The following OR2AT4 variants were observed in gnomAD, a reference collection of about 807,000 sequenced individuals.
The protein encoded by OR2AT4 is olfactory receptor family 2 subfamily AT member 4, also known as olfactory receptor 2AT4.
In OR2AT4, 6 loss-of-function variants were observed where a neutral mutation model predicts 10.3. The ratio of observed to expected loss-of-function variants is 0.58; its 90% CI spans 0.32 to 1.15. OR2AT4 has a LOEUF of 1.15. Among genes scored for constraint, OR2AT4 ranks in the 50% most tolerant of loss-of-function variants. The probability of loss-of-function intolerance (pLI) is 0.05; values close to 1 mark genes in which losing one functional copy is unlikely to be tolerated. For missense variants in OR2AT4, 354 were observed against 393.8 expected (o/e 0.90, Z 0.85); for synonymous variants, 145 against 159.1 (o/e 0.91, Z 0.67).
exon 2 of OR2AT4, chr11:75,088,152 A>T (rs187584055): frequency 6.6e-6 from 1 of 152,120 alleles, no homozygotes; most frequent in Non-Finnish European, 1.5e-5. Context: ...ATTGATGGTG[A>T]CTCCTCGGGA....
chr11:75,088,425 T>G (rs4146884), exon 2 of OR2AT4: 39,767 of 179,182 alleles, frequency 0.22, 5,225 homozygotes, highest in East Asian at 0.39. Context: ...CATTTTTTTT[T>G]ATTTGTCTAC....
chr11:75,091,420 C>A (rs1036032210), intron 1 of OR2AT4, among the ~76,000 whole-genome samples: 1 of 151,938 alleles, frequency 6.6e-6, no homozygotes, highest in Non-Finnish European at 1.5e-5. Flanking sequence ...GAAATGTTGA[C>A]AAAATGGATT....
intron 1 of OR2AT4, among the ~76,000 whole-genome samples, chr11:75,095,475 T>G (rs993067131): frequency 5.3e-5 from 8 of 152,118 alleles, no homozygotes; most frequent in Non-Finnish European, 8.8e-5. Flanking sequence ...CACCAGGTTG[T>G]CTCTGTCTAT....
chr11:75,088,952 G>A, exon 2 of OR2AT4: 1 of 1,614,192 alleles, frequency 6.2e-7, no homozygotes, highest in South Asian at 1.1e-5. Context: ...AGTAGTAGGT[G>A]CCCACGACCA....
exon 2 of OR2AT4, chr11:75,088,687 T>A (rs949343428): frequency 2.1e-6 from 3 of 1,425,986 alleles, no homozygotes; most frequent in Non-Finnish European, 2.8e-6. Flanking sequence ...ATGTATTGAG[T>A]CCTTTCTCTG....
chr11:75,091,553 T>C (rs1055492418), intron 1 of OR2AT4, among the ~76,000 whole-genome samples: 3 of 152,140 alleles, frequency 2.0e-5, no homozygotes, highest in Admixed American at 6.6e-5. Flanking sequence ...AATAGCAAAC[T>C]GGACACAATA....
Position 75,089,763 on chromosome 11 carries a change from C to G in OR2AT4, c.-50G>C, listed in dbSNP as rs377668148. ...GAGATGGGCAGCTGGAACATCTAGA[C>G]ATTGGAAACATCTGGAAACCATAGA... On this transcript the variant is annotated 5_prime_UTR_variant, in exon 2 of 2. The change abolishes an upstream ATG in the 5' untranslated region. Transcript: ENST00000641504. 7.8e-6 allele frequency: 12 copies of G among 1,547,048 alleles called. No homozygotes were observed. The highest frequency in any genetic ancestry group is 1.0e-5 in the Non-Finnish European group (12 of 1,145,594).
At chr11:75,084,906 T>C (rs2140277954) in exon 2 of OR2AT4, 2 of 152,290 alleles carry the variant, frequency 1.3e-5, no homozygotes, top group South Asian at 4.1e-4. Flanking sequence ...TTGGGAAATG[T>C]ACAGACTTCA....
At chr11:75,092,290 G>A (rs937978441) in intron 1 of OR2AT4, among the ~76,000 whole-genome samples, 2 of 152,250 alleles carry the variant, frequency 1.3e-5, no homozygotes, top group East Asian at 1.9e-4. Flanking sequence ...CAACCACTTC[G>A]GATAACAGTG....
At chr11:75,088,963 G>A (rs774570864) in exon 2 of OR2AT4, 30 of 1,614,102 alleles carry the variant, frequency 1.9e-5, no homozygotes, top group Middle Eastern at 1.6e-4. Flanking sequence ...CCCACGACCA[G>A]AAGGTGGGAG....
exon 2 of OR2AT4, chr11:75,089,048 G>A (rs868638069): frequency 6.2e-7 from 1 of 1,614,114 alleles, no homozygotes; most frequent in Non-Finnish European, 8.5e-7. Context: ...TGTGGACATA[G>A]GAGAGAAGCA....
At chr11:75,085,478 A>G (rs181636857) in exon 2 of OR2AT4, 2 of 152,116 alleles carry the variant, frequency 1.3e-5, no homozygotes, top group African/African-American at 4.8e-5. Flanking sequence ...GAGAATGTAG[A>G]AGAGACGGGA....
At chr11:75,089,537 G>T (rs1949311725) in exon 2 of OR2AT4, 1 of 1,613,970 alleles carries the variant, frequency 6.2e-7, no homozygotes, top group Non-Finnish European at 8.5e-7. Flanking sequence ...GCTTGTGGAG[G>T]CTGGGCTCTG....
At chr11:75,084,766 A>G (rs1332369037) in exon 2 of OR2AT4, 1 of 152,228 alleles carries the variant, frequency 6.6e-6, no homozygotes, top group Non-Finnish European at 1.5e-5. Flanking sequence ...CTGAAATTAA[A>G]TAAAAACACT....
chr11:75,087,067 G>A (rs2140278465), exon 2 of OR2AT4: 1 of 152,314 alleles, frequency 6.6e-6, no homozygotes, highest in East Asian at 1.9e-4. Context: ...CCAATAAAAT[G>A]TCAGGCAACT....
exon 2 of OR2AT4, chr11:75,085,022 A>T (rs934407519): frequency 3.3e-5 from 5 of 152,114 alleles, no homozygotes; most frequent in African/African-American, 7.2e-5. Context: ...AAGGAAAAAA[A>T]ATATAAAGAT....
rs1261814791 is a variant in OR2AT4 at position 75,087,917 on chromosome 11, G to T, written c.*834C>A. On this transcript the variant is annotated 3_prime_UTR_variant, in exon 2 of 2. Coordinates refer to ENST00000641504, the Ensembl canonical transcript of OR2AT4. ...TCCTTATAGATAACCATCTTTATGA[G>T]TTCACATTTTCCCTCTAGTTTTTTC... The T allele has an allele frequency of 2.0e-5, 3 of 152,202 alleles. No individual in the cohort carries two copies. The East Asian group carries it at 5.8e-4, about 29-fold the overall frequency. The allele number at this position is 152,202 out of a possible 1,614,324, so 9.4% of individuals were successfully genotyped here.
exon 2 of OR2AT4, chr11:75,082,759 T>C (rs905794431): frequency 6.6e-6 from 1 of 151,692 alleles, no homozygotes; most frequent in Non-Finnish European, 1.5e-5. Context: ...ATCAAAAGAG[T>C]AAACAGACAA....
intron 1 of OR2AT4, among the ~76,000 whole-genome samples, chr11:75,092,314 T>C (rs1199918126): frequency 6.6e-6 from 1 of 152,226 alleles, no homozygotes; most frequent in African/African-American, 2.4e-5. Flanking sequence ...CAACATCTTC[T>C]TAAACTTATG....
Sources: gnomAD v4.1 joint callset for allele counts (sites outside exome capture counted in the v4.1 genomes callset) on GRCh38, gnomAD v4.1.1 for gene constraint, MANE v1.5 for transcripts, NCBI Gene and HGNC (gene_info 2026-07-23, HGNC 2026-07-21) for gene names.